NXPE2: variants seen among roughly 807,000 people sequenced by gnomAD.
NXPE2 encodes the protein NXPE family member 2.
A neutral mutation model predicts 34.4 loss-of-function variants in NXPE2; 34 were observed. The ratio of observed to expected loss-of-function variants is 0.99; its 90% CI spans 0.75 to 1.31. The LOEUF is 1.31. NXPE2 is among the 40% of genes most tolerant of loss of function. The probability of loss-of-function intolerance (pLI) is 0.00; values close to 1 mark genes in which losing one functional copy is unlikely to be tolerated. For synonymous variants in NXPE2, 235 were observed against 231.3 expected, an observed-to-expected ratio of 1.02 and a Z score of -0.15; for missense variants, 649 against 672.5, an observed-to-expected ratio of 0.97 and a Z score of 0.39.
At chr11:114,464,858 G>A in the NXPE2 span, among the ~76,000 whole-genome samples, 13 of 150,896 alleles carry the variant, frequency 8.6e-5, no homozygotes, top group East Asian at 1.4e-3. Context: ...AAAAAAAAAC[G>A]AAAAAAGAAA....
In NXPE2 at chr11:114,698,690, C is replaced by A. The variant is rs146507651; in HGVS notation, c.778C>A (p.His260Asn). 3.2e-5 allele frequency: 52 copies of A among 1,613,966 alleles called. No individual in the cohort carries two copies. In the African/African-American group the frequency reaches 6.1e-4, roughly 19 times the overall value. The change falls in exon 3 of 6, where the codon CAT becomes AAT. Residue 260 changes from histidine to asparagine, a missense_variant. Coordinates refer to ENST00000389586, the MANE Select transcript of NXPE2 (RefSeq NM_182495.6). ...QEAFYCVRPQ[H>N]MPCEALTHMT... ...AGCCTTCTACTGTGTGAGGCCTCAA[C>A]ATATGCCCTGTGAGGCCTTGACCCA...
At chr11:114,648,210 C>G in the NXPE2 span, among the ~76,000 whole-genome samples, 1 of 151,818 alleles carries the variant, frequency 6.6e-6, no homozygotes, top group Non-Finnish European at 1.5e-5. Context: ...GGGAGGGGCC[C>G]CGAGATGACC....
At chr11:114,568,026 AT>A in the NXPE2 span, among the ~76,000 whole-genome samples, 5 of 152,168 alleles carry the variant, frequency 3.3e-5, no homozygotes, top group Non-Finnish European at 5.9e-5. Context: ...TCACACAGAC[AT>A]TGCCACAGTG....
chr11:114,695,288 A>C (rs530946783), intron 2 of NXPE2, among the ~76,000 whole-genome samples: 1 of 152,140 alleles, frequency 6.6e-6, no homozygotes, highest in African/African-American at 2.4e-5. Flanking sequence ...TGGTTGTAAG[A>C]TGTGCAGGAG....
the NXPE2 span, among the ~76,000 whole-genome samples, chr11:114,638,258 G>A: frequency 2.0e-5 from 3 of 151,956 alleles, no homozygotes; most frequent in African/African-American, 4.8e-5. Flanking sequence ...GATCACATCA[G>A]CTCCTGAGGC....
At chr11:114,679,634 A>T (rs1257843727) in intron 1 of NXPE2, 23 bp from the exon 2 acceptor site, 40 of 1,419,404 alleles carry the variant, frequency 2.8e-5, no homozygotes, top group Non-Finnish European at 3.8e-5. Context: ...TAATGTGATT[A>T]TTTCTCCTGT....
the NXPE2 span, among the ~76,000 whole-genome samples, chr11:114,593,125 TTTTGGATAAGACC>T: frequency 6.4e-4 from 97 of 152,230 alleles, no homozygotes; most frequent in African/African-American, 2.2e-3. Flanking sequence ...GCCAGAGGAT[TTTTGGATAAGACC>T]TCAAATGCAC....
At chr11:114,801,437 G>C in the NXPE2 span, among the ~76,000 whole-genome samples, 1 of 152,216 alleles carries the variant, frequency 6.6e-6, no homozygotes, top group African/African-American at 2.4e-5. Flanking sequence ...TGGAGAGATG[G>C]ACAGGGGACA....
the NXPE2 span, among the ~76,000 whole-genome samples, chr11:114,605,967 G>A: frequency 1.3e-5 from 2 of 151,152 alleles, no homozygotes; most frequent in Non-Finnish European, 3.0e-5. Context: ...GTGTTGCCTC[G>A]TGGGTAACCA....
the NXPE2 span, chr11:114,527,256 AT>A: frequency 6.6e-6 from 1 of 152,268 alleles, no homozygotes; most frequent in Non-Finnish European, 1.5e-5. Context: ...ATAAATAAAC[AT>A]TTGTGGAATA....
chr11:114,508,751 A>T, the NXPE2 span, among the ~76,000 whole-genome samples: 2 of 152,216 alleles, frequency 1.3e-5, no homozygotes, highest in African/African-American at 4.8e-5. Flanking sequence ...CTCAAGATGG[A>T]TTAAAAACCA....
the NXPE2 span, among the ~76,000 whole-genome samples, chr11:114,728,840 C>T: frequency 6.6e-6 from 1 of 152,042 alleles, no homozygotes; most frequent in African/African-American, 2.4e-5. Flanking sequence ...ACATATAGAT[C>T]AATGAGATAC....
At chr11:114,561,772 A>C in the NXPE2 span, among the ~76,000 whole-genome samples, 1 of 152,102 alleles carries the variant, frequency 6.6e-6, no homozygotes, top group Non-Finnish European at 1.5e-5. Flanking sequence ...TTTTATCTTC[A>C]TCATGTTTGG....
the NXPE2 span, among the ~76,000 whole-genome samples, chr11:114,639,683 T>G: frequency 2.2e-4 from 31 of 139,886 alleles, no homozygotes; most frequent in African/African-American, 7.7e-4. Context: ...ATGTAATATA[T>G]TGTATCTATT....
chr11:114,721,476 C>G, the NXPE2 span, among the ~76,000 whole-genome samples: 1 of 152,066 alleles, frequency 6.6e-6, no homozygotes, highest in Admixed American at 6.6e-5. Context: ...TTTCTGGATC[C>G]TCTCTGTTAG....
the NXPE2 span, chr11:114,582,865 G>T: frequency 6.2e-7 from 1 of 1,614,200 alleles, no homozygotes; most frequent in Non-Finnish European, 8.5e-7. Context: ...AAAGGTCTGG[G>T]TGGGATCTGC....
At chr11:114,716,159 C>T in the NXPE2 span, among the ~76,000 whole-genome samples, 1 of 152,148 alleles carries the variant, frequency 6.6e-6, no homozygotes. Flanking sequence ...AACCTATCAC[C>T]TGGCTGGGTT....
the NXPE2 span, chr11:114,582,190 A>G: frequency 7.6e-7 from 1 of 1,313,848 alleles, no homozygotes. Context: ...TACTAAAGAC[A>G]CCCAAAATTA....
the NXPE2 span, among the ~76,000 whole-genome samples, chr11:114,713,983 T>C: frequency 6.6e-6 from 1 of 152,252 alleles, no homozygotes; most frequent in Non-Finnish European, 1.5e-5. Context: ...AGGAATGTAT[T>C]CTTGCTCCGC....
Sources: allele counts gnomAD v4.1 joint callset (sites outside exome capture counted in the v4.1 genomes callset), GRCh38; gene constraint gnomAD v4.1.1; transcripts MANE v1.5; gene names NCBI Gene and HGNC (gene_info 2026-07-23, HGNC 2026-07-21).